Variants in GREB1L observed in about 807,000 individuals in gnomAD.
GREB1L encodes the protein GREB1-like protein.
Under a neutral mutation model 200.8 loss-of-function variants are expected in GREB1L, and 17 were observed. The observed-to-expected ratio is 0.08, with a 90% CI of 0.06 to 0.13. The LOEUF (loss-of-function observed/expected upper bound fraction) is 0.13. Ranked by LOEUF, GREB1L falls within the 10% of genes least tolerant of loss-of-function variation. The probability of loss-of-function intolerance (pLI) is 1.00; values close to 1 mark genes in which losing one functional copy is unlikely to be tolerated. For missense variants in GREB1L, 1,657 were observed against 2,367.7 expected (o/e 0.70, Z 6.23); for synonymous variants, 789 against 893.0 (o/e 0.88, Z 2.08).
Position 21,444,293 on chromosome 18 carries a change from G to A in GREB1L, c.1277G>A (p.Cys426Tyr). The change falls in exon 11 of 33, where the codon TGC becomes TAC. Residue 426 changes from cysteine to tyrosine, a missense_variant. Cys to Tyr is a radical substitution (Grantham distance 194). Coordinates refer to ENST00000424526, the MANE Select transcript of GREB1L (RefSeq NM_001142966.3). Reference sequence around the variant, plus strand: ...GTTGTGAGTCCTCTGCTGGTGAATTGCTACAAGATTCCACAGTTGGAAAAC... The same window carrying A: ...GTTGTGAGTCCTCTGCTGGTGAATTACTACAAGATTCCACAGTTGGAAAAC... ...DIVVSPLLVN[C>Y]YKIPQLENKD... The A allele has an allele frequency of 6.4e-7, 1 of 1,551,602 alleles. No homozygotes were observed. Among genetic ancestry groups the A allele is most frequent in the Non-Finnish European group, 8.7e-7 (1 of 1,146,664 alleles).
At chr18:21,375,990 A>G (rs1743033464) in intron 2 of GREB1L, among the ~76,000 whole-genome samples, 2 of 152,226 alleles carry the variant, frequency 1.3e-5, no homozygotes, top group Non-Finnish European at 2.9e-5. Flanking sequence ...TGTGCTTCAC[A>G]TACAACTTTA....
At chr18:21,440,238 C>T (rs372287715) in intron 8 of GREB1L, 31 bp from the exon 9 acceptor site, 1 of 1,548,710 alleles carries the variant, frequency 6.5e-7, no homozygotes, top group Non-Finnish European at 8.7e-7. Flanking sequence ...ACAAGACTAT[C>T]TCTTTTTTTT....
At chr18:21,345,962 C>T (rs969635958) in intron 1 of GREB1L, among the ~76,000 whole-genome samples, 12 of 151,850 alleles carry the variant, frequency 7.9e-5, no homozygotes, top group Admixed American at 7.2e-4. Flanking sequence ...TCCCTAAGAC[C>T]GAATAGAGCA....
chr18:21,521,384 A>G (rs1029984818), intron 32 of GREB1L, among the ~76,000 whole-genome samples: 13 of 151,882 alleles, frequency 8.6e-5, no homozygotes, highest in South Asian at 2.1e-4. Context: ...AAAAAAAAAA[A>G]AGAGAGACTG....
At position 21,439,545 on chromosome 18, in the gene GREB1L, A is replaced by G; in HGVS notation, c.857A>G (p.His286Arg). 6.5e-7 allele frequency: 1 copy of G among 1,549,902 alleles called. No individual in the cohort carries two copies. Among genetic ancestry groups the G allele is most frequent in the Non-Finnish European group, 8.7e-7 (1 of 1,145,112 alleles). ...GATGCTGCTAATGGAAACAGTAGCC[A>G]TGGAGGGAAGGGCAGTGCATCCAGC... ...QTDAANGNSS[H>R]GGKGSASSST... Residue 286 changes from histidine to arginine, a missense_variant, in exon 8 of 33, where the codon CAT becomes CGT. His to Arg is a conservative substitution (Grantham distance 29, BLOSUM62 0). This residue lies in a region of GREB1L where 289 missense variants were observed against 345.1 expected (regional missense o/e 0.84). Transcript: ENST00000424526.
intron 14 of GREB1L, among the ~76,000 whole-genome samples, chr18:21,452,858 C>T (rs751147828): frequency 3.9e-5 from 6 of 152,166 alleles, no homozygotes; most frequent in African/African-American, 7.2e-5. Context: ...GGGAGACAGA[C>T]CCATATAAGC....
intron 23 of GREB1L, among the ~76,000 whole-genome samples, chr18:21,501,568 CT>C (rs1358952404): frequency 6.6e-6 from 1 of 152,056 alleles, no homozygotes; most frequent in Admixed American, 6.6e-5. Context: ...TGAACTCATT[CT>C]TTTTTATGGC....
intron 21 of GREB1L, among the ~76,000 whole-genome samples, chr18:21,497,756 T>G (rs1463438513): frequency 1.3e-5 from 2 of 148,894 alleles, no homozygotes; most frequent in Non-Finnish European, 3.0e-5. Flanking sequence ...CACGCCCACT[T>G]CCAGAAGTAA....
intron 1 of GREB1L, among the ~76,000 whole-genome samples, chr18:21,289,478 G>T (rs1247238888): frequency 6.6e-6 from 1 of 152,060 alleles, no homozygotes; most frequent in East Asian, 1.9e-4. Context: ...GCTTGAGGCT[G>T]CAGTCAGTGA....
intron 7 of GREB1L, among the ~76,000 whole-genome samples, chr18:21,434,517 GTGTGTGTGTGTGTGTA>G (rs2033396542): frequency 6.8e-6 from 1 of 148,104 alleles, no homozygotes; most frequent in Non-Finnish European, 1.5e-5. Context: ...GTGTGTGTGT[GTGTGTGTGTGTGTGTA>G]TATATATGTG....
At chr18:21,391,144 A>G (rs2040785661) in intron 4 of GREB1L, among the ~76,000 whole-genome samples, 1 of 152,182 alleles carries the variant, frequency 6.6e-6, no homozygotes, top group Admixed American at 6.5e-5. Flanking sequence ...CTCATTACTC[A>G]CTCACTGACT....
At chr18:21,347,191 T>C (rs2039359014) in intron 1 of GREB1L, among the ~76,000 whole-genome samples, 1 of 151,766 alleles carries the variant, frequency 6.6e-6, no homozygotes, top group Non-Finnish European at 1.5e-5. Flanking sequence ...GACAGGAGAA[T>C]TGCTTGAACC....
At chr18:21,416,110 A>G (rs183576062) in intron 7 of GREB1L, among the ~76,000 whole-genome samples, 2 of 152,348 alleles carry the variant, frequency 1.3e-5, no homozygotes, top group Admixed American at 1.3e-4. Flanking sequence ...AGTTAAGTAG[A>G]CATGACAGAT....
chr18:21,513,070 T>C (rs1373146271), intron 27 of GREB1L, among the ~76,000 whole-genome samples: 1 of 152,232 alleles, frequency 6.6e-6, no homozygotes, highest in Non-Finnish European at 1.5e-5. Flanking sequence ...ATCCTGAGCA[T>C]CATACAGCAA....
intron 21 of GREB1L, 92 bp from the exon 22 acceptor site, chr18:21,499,637 A>G: frequency 3.5e-6 from 3 of 858,486 alleles, no homozygotes; most frequent in East Asian, 2.7e-5. Flanking sequence ...AGCCGAGCCC[A>G]GTGTCCACTG....
intron 1 of GREB1L, chr18:21,316,762 T>G (rs1324609655): frequency 1.4e-5 from 2 of 145,236 alleles, no homozygotes; most frequent in African/African-American, 2.6e-5. Flanking sequence ...ACTATGTCTT[T>G]TTTTTTTTTT....
chr18:21,496,235 G>A (rs551505602), intron 20 of GREB1L, among the ~76,000 whole-genome samples: 5 of 152,226 alleles, frequency 3.3e-5, no homozygotes, highest in African/African-American at 4.8e-5. Flanking sequence ...ATATGAGCCC[G>A]ACACTATCCA....
At chr18:21,366,894 C>T (rs1444190606) in intron 2 of GREB1L, among the ~76,000 whole-genome samples, 3 of 152,084 alleles carry the variant, frequency 2.0e-5, no homozygotes, top group East Asian at 3.9e-4. Context: ...ATGGTGACCA[C>T]GCAGATACTG....
intron 7 of GREB1L, among the ~76,000 whole-genome samples, chr18:21,427,215 G>A (rs907339834): frequency 6.6e-6 from 1 of 151,950 alleles, no homozygotes; most frequent in African/African-American, 2.4e-5. Flanking sequence ...TTTCAACAGT[G>A]TTTTGTGGCC....
Sources: gnomAD v4.1 joint callset for allele counts (sites outside exome capture counted in the v4.1 genomes callset) on GRCh38, gnomAD v4.1.1 for gene constraint, gnomAD v4.1.1 regional missense constraint, MANE v1.5 for transcripts, NCBI Gene and HGNC (gene_info 2026-07-23, HGNC 2026-07-21) for gene names.